Variants in GRXCR1 observed in about 807,000 individuals in gnomAD.
GRXCR1 encodes the protein glutaredoxin domain-containing cysteine-rich protein 1.
In GRXCR1, 27 loss-of-function variants were observed where a neutral mutation model predicts 27.3. That is an observed-to-expected ratio of 0.99 (90% confidence interval 0.73 to 1.37). The LOEUF (loss-of-function observed/expected upper bound fraction) is 1.37. GRXCR1 is among the 40% of genes most tolerant of loss of function. The probability of loss-of-function intolerance (pLI) is 0.00; values close to 1 mark genes in which losing one functional copy is unlikely to be tolerated. For synonymous variants in GRXCR1, 122 were observed against 131.1 expected (o/e 0.93, Z 0.47); for missense variants, 379 against 354.4 (o/e 1.07, Z -0.56).
intron 1 of GRXCR1, among the ~76,000 whole-genome samples, chr4:42,920,910 G>A (rs1045079449): frequency 7.2e-5 from 10 of 138,108 alleles, no homozygotes; most frequent in Admixed American, 5.5e-4. Context: ...TTTGCTATGC[G>A]GCTATCATTC....
chr4:42,977,074 T>C (rs906305152), intron 2 of GRXCR1, among the ~76,000 whole-genome samples: 2 of 152,064 alleles, frequency 1.3e-5, no homozygotes, highest in Non-Finnish European at 2.9e-5. Flanking sequence ...GCAATTTGCC[T>C]TACTGTGGCT....
At chr4:42,904,286 C>A (rs529790498) in intron 1 of GRXCR1, among the ~76,000 whole-genome samples, 1 of 152,196 alleles carries the variant, frequency 6.6e-6, no homozygotes, top group African/African-American at 2.4e-5. Flanking sequence ...ACTCTTGGGA[C>A]TACTTACCTT....
At position 43,030,330 on chromosome 4, in the gene GRXCR1, T is replaced by TAC. The variant is rs776781617; in HGVS notation, c.694-31_694-30insAC. On this transcript the variant is annotated intron_variant, in intron 3 of 3. Coordinates refer to ENST00000399770, the MANE Select transcript of GRXCR1 (RefSeq NM_001080476.3). ...GTTGTTCATGCTAACACATCCTCTG[T>TAC]TTTCTCTTGTTCCCCTGCCACCTTA... The TAC allele has an allele frequency of 4.4e-6, 7 of 1,607,262 alleles. No individual in the cohort carries two copies. The East Asian group carries it at 1.6e-4, about 36-fold the overall frequency.
chr4:42,959,921 T>A (rs1414495780), intron 1 of GRXCR1, among the ~76,000 whole-genome samples: 1 of 151,962 alleles, frequency 6.6e-6, no homozygotes, highest in Non-Finnish European at 1.5e-5. Flanking sequence ...CAGTTTATTC[T>A]AACATTCAAC....
chr4:42,962,815 AT>A (rs1748154275), intron 1 of GRXCR1, 76 bp from the exon 2 acceptor site: 2 of 1,563,924 alleles, frequency 1.3e-6, no homozygotes, highest in Non-Finnish European at 8.8e-7. Flanking sequence ...CTTTAACGCA[AT>A]TTTTAATTGT....
rs977171471 is a variant in GRXCR1 at position 43,011,763 on chromosome 4, C to T, written c.628-8591C>T. On this transcript the variant is annotated intron_variant, in intron 2 of 3. Coordinates refer to ENST00000399770, the MANE Select transcript of GRXCR1 (RefSeq NM_001080476.3). ...CCTTATAAAAATGGGATGCCTGTTT[C>T]ATTTCTTGCCCATAAGCTTCAGCAC... Among the ~76,000 whole-genome samples the T allele has an allele frequency of 3.3e-5, 5 of 152,260 alleles. No homozygotes were observed. In the South Asian group the frequency reaches 8.3e-4, roughly 25 times the overall value.
intron 1 of GRXCR1, among the ~76,000 whole-genome samples, chr4:42,898,708 T>C (rs1006169623): frequency 6.6e-6 from 1 of 152,090 alleles, no homozygotes; most frequent in African/African-American, 2.4e-5. Flanking sequence ...TTACTATTAA[T>C]CAATTAATTA....
intron 1 of GRXCR1, among the ~76,000 whole-genome samples, chr4:42,915,475 C>CT (rs972563135): frequency 5.3e-5 from 8 of 151,560 alleles, no homozygotes; most frequent in East Asian, 3.9e-4. Flanking sequence ...TTTTTTCCTC[C>CT]TTTTTTAGTA....
chr4:42,923,195 A>G (rs958080326), intron 1 of GRXCR1, among the ~76,000 whole-genome samples: 3 of 152,092 alleles, frequency 2.0e-5, no homozygotes, highest in Non-Finnish European at 4.4e-5. Flanking sequence ...CTGCCTTCCC[A>G]GGCTAACAAC....
chr4:43,023,469 G>A (rs1713158716), intron 3 of GRXCR1, among the ~76,000 whole-genome samples: 1 of 152,186 alleles, frequency 6.6e-6, no homozygotes, highest in Non-Finnish European at 1.5e-5. Flanking sequence ...GGGAAGCTGA[G>A]TCGATCTGAT....
At chr4:43,020,102 T>C (rs1288899762) in intron 2 of GRXCR1, among the ~76,000 whole-genome samples, 1 of 152,072 alleles carries the variant, frequency 6.6e-6, no homozygotes, top group Non-Finnish European at 1.5e-5. Context: ...AACCTAACTG[T>C]TGTGGGTTTC....
At chr4:43,013,163 T>C (rs1712814705) in intron 2 of GRXCR1, among the ~76,000 whole-genome samples, 1 of 152,176 alleles carries the variant, frequency 6.6e-6, no homozygotes, top group Non-Finnish European at 1.5e-5. Context: ...TATTATTGGG[T>C]ATGTAGCAAA....
chr4:43,011,871 A>T (rs1321308296), intron 2 of GRXCR1, among the ~76,000 whole-genome samples: 1 of 152,140 alleles, frequency 6.6e-6, no homozygotes, highest in Non-Finnish European at 1.5e-5. Flanking sequence ...TAGCATGAAT[A>T]ATAAAGGAAT....
intron 2 of GRXCR1, among the ~76,000 whole-genome samples, chr4:42,996,264 C>T (rs1456079405): frequency 2.0e-5 from 3 of 152,098 alleles, no homozygotes; most frequent in Non-Finnish European, 4.4e-5. Context: ...AATAAAGTTA[C>T]GATCATCTGT....
chr4:42,986,675 G>T (rs1431768266), intron 2 of GRXCR1, among the ~76,000 whole-genome samples: 2 of 152,088 alleles, frequency 1.3e-5, no homozygotes, highest in East Asian at 1.9e-4. Context: ...TAAACAGAAA[G>T]ATTTAGTTGA....
At chr4:42,946,859 C>A (rs2109766239) in intron 1 of GRXCR1, among the ~76,000 whole-genome samples, 1 of 152,224 alleles carries the variant, frequency 6.6e-6, no homozygotes, top group Admixed American at 6.5e-5. Flanking sequence ...TGTCTATGAT[C>A]ATGTTTCAGA....
intron 2 of GRXCR1, among the ~76,000 whole-genome samples, chr4:42,984,652 G>A (rs1711624272): frequency 6.6e-6 from 1 of 152,192 alleles, no homozygotes; most frequent in South Asian, 2.1e-4. Flanking sequence ...TAGAAGCCTG[G>A]GGGCTGCTGG....
At chr4:42,952,002 A>G (rs1747893925) in intron 1 of GRXCR1, among the ~76,000 whole-genome samples, 1 of 152,230 alleles carries the variant, frequency 6.6e-6, no homozygotes, top group South Asian at 2.1e-4. Context: ...TTGATCTGAG[A>G]GCACTGAGAA....
chr4:42,929,406 A>G (rs1747248527), intron 1 of GRXCR1, among the ~76,000 whole-genome samples: 3 of 151,996 alleles, frequency 2.0e-5, no homozygotes, highest in Admixed American at 2.0e-4. Flanking sequence ...GGCCTTTATT[A>G]ACAAAGATGT....
Sources: gnomAD v4.1 joint callset for allele counts (sites outside exome capture counted in the v4.1 genomes callset) on GRCh38, gnomAD v4.1.1 for gene constraint, MANE v1.5 for transcripts, NCBI Gene and HGNC (gene_info 2026-07-23, HGNC 2026-07-21) for gene names.